The following BBS4 variants were observed in gnomAD, a reference collection of about 807,000 sequenced individuals.
The protein encoded by BBS4 is BBSome complex member BBS4.
BBS4 carries 58 observed loss-of-function variants against 71.4 expected under a neutral mutation model. The observed-to-expected ratio is 0.81, with a 90% CI of 0.66 to 1.01. BBS4 has a LOEUF of 1.01. BBS4 is among the 50% of genes least tolerant of loss of function. The probability of loss-of-function intolerance (pLI) is 0.00; values close to 1 mark genes in which losing one functional copy is unlikely to be tolerated. For missense variants in BBS4, 660 were observed against 607.9 expected (o/e 1.09, Z -0.90); for synonymous variants, 228 against 216.8 (o/e 1.05, Z -0.46).
At chr15:72,694,521 T>G (rs746924276) in intron 1 of BBS4, among the ~76,000 whole-genome samples, 3 of 152,238 alleles carry the variant, frequency 2.0e-5, no homozygotes, top group Non-Finnish European at 2.9e-5. Flanking sequence ...AAGAGCTGCT[T>G]CTTGTCTCTG....
At chr15:72,737,405 T>G in intron 15 of BBS4, 73 bp from the exon 16 acceptor site, 1 of 1,348,526 alleles carries the variant, frequency 7.4e-7, no homozygotes, top group Non-Finnish European at 1.0e-6. Context: ...CCTCTTGAAC[T>G]CTAACAGCAA....
At position 72,729,690 on chromosome 15, in the gene BBS4, ACAGGCT is replaced by A; in HGVS notation, c.711+7_711+12del. The A allele has an allele frequency of 1.2e-6, 2 of 1,613,606 alleles. No homozygotes were observed. The highest frequency in any genetic ancestry group is 1.7e-6 in the Non-Finnish European group (2 of 1,179,502). ...ATGACCCTACCAACTACAAGGTATTACAGGCTGTGAAGGCTCTGGCCTTCATATAGA... is the reference window on the plus strand; with the variant it reads ...ATGACCCTACCAACTACAAGGTATTAGTGAAGGCTCTGGCCTTCATATAGA... On this transcript the variant is annotated splice_region_variant and intron_variant, in intron 10 of 15. Coordinates refer to ENST00000268057, the MANE Select transcript of BBS4 (RefSeq NM_033028.5).
chr15:72,715,255 G>A (rs750575060), intron 4 of BBS4, 36 bp from the exon 5 acceptor site: 4 of 1,524,134 alleles, frequency 2.6e-6, no homozygotes, highest in Non-Finnish European at 3.6e-6. Context: ...CCAGAACATG[G>A]TTTTACTTTT....
rs747417984 is a variant in BBS4 at position 72,686,212 on chromosome 15, G to A, written c.-16G>A. On this transcript the variant is annotated 5_prime_UTR_variant, in exon 1 of 16. Transcript: ENST00000268057. ...AACCGCCGACTTCCGGCCGCGCAGC[G>A]GTGGGCTGAGCTAAAATGGCTGAGG... is the stretch of plus-strand genomic sequence containing the variant. 6 of 1,558,980 alleles carry A rather than the reference G, an allele frequency of 3.8e-6. No homozygotes were observed. Among genetic ancestry groups the A allele is most frequent in the Admixed American group, 3.8e-5 (2 of 52,396 alleles).
intron 15 of BBS4, 75 bp downstream of exon 15, chr15:72,737,038 T>G: frequency 6.6e-7 from 1 of 1,513,682 alleles, no homozygotes; most frequent in East Asian, 2.3e-5. Flanking sequence ...ATTATAGCTT[T>G]CAGTGAGGTT....
At position 72,712,465 on chromosome 15, in the gene BBS4, T is replaced by C. The variant is rs188208287; in HGVS notation, c.220+158T>C. On this transcript the variant is annotated intron_variant, in intron 4 of 15. Coordinates refer to ENST00000268057, the MANE Select transcript of BBS4 (RefSeq NM_033028.5). ...AATGTGTTGTTAGGCAATTTTGTCATTGTGTGAACATTACATGGAGTGTAC... is the reference window on the plus strand; with the variant it reads ...AATGTGTTGTTAGGCAATTTTGTCACTGTGTGAACATTACATGGAGTGTAC... 1.4e-4 allele frequency among the ~76,000 whole-genome samples: 22 copies of C among 152,364 alleles called. 1 individual carries two copies. Among genetic ancestry groups the C allele is most frequent in the Admixed American group, 1.4e-3 (22 of 15,300 alleles).
chr15:72,698,306 G>C (rs1039480736), intron 2 of BBS4, among the ~76,000 whole-genome samples: 5 of 152,186 alleles, frequency 3.3e-5, no homozygotes, highest in African/African-American at 1.2e-4. Flanking sequence ...TTACAAAGTT[G>C]TGCAGCCATC....
At chr15:72,720,368 A>G (rs922518238) in intron 6 of BBS4, among the ~76,000 whole-genome samples, 2 of 151,508 alleles carry the variant, frequency 1.3e-5, no homozygotes, top group African/African-American at 4.8e-5. Flanking sequence ...AGTCCTAGCT[A>G]TTCTAGAGGC....
At chr15:72,690,448 C>CT (rs1267691110) in intron 1 of BBS4, among the ~76,000 whole-genome samples, 1 of 152,130 alleles carries the variant, frequency 6.6e-6, no homozygotes, top group East Asian at 1.9e-4. Flanking sequence ...AATAATTCTG[C>CT]TTTGTGCAGA....
intron 10 of BBS4, among the ~76,000 whole-genome samples, chr15:72,730,924 G>C (rs1055957288): frequency 6.6e-6 from 1 of 152,098 alleles, no homozygotes; most frequent in African/African-American, 2.4e-5. Flanking sequence ...CAGGTATCTA[G>C]AACACTTGGT....
Position 72,738,096 on chromosome 15 carries a change from G to GA in BBS4, c.*517dup, listed in dbSNP as rs1368666508. On this transcript the variant is annotated 3_prime_UTR_variant, in exon 16 of 16. Coordinates refer to ENST00000268057, the MANE Select transcript of BBS4 (RefSeq NM_033028.5). Reference sequence around the variant, plus strand: ...CAACTTTAATAGTATACATTTAAAAGAAAAAAAACAAAAGCCCTGGAAGTT... The same window carrying GA: ...CAACTTTAATAGTATACATTTAAAAGAAAAAAAAACAAAAGCCCTGGAAGTT... 11 of 450,724 alleles carry GA rather than the reference G, an allele frequency of 2.4e-5. No homozygotes were observed. Among genetic ancestry groups the GA allele is most frequent in the Admixed American group, 1.2e-4 (5 of 41,692 alleles). The allele number at this position is 450,724 out of a possible 1,614,324, so 27.9% of individuals were successfully genotyped here.
rs140619029 is a variant in BBS4 at position 72,735,124 on chromosome 15, A to C, written c.1048A>C (p.Asn350His). 4.3e-6 allele frequency: 7 copies of C among 1,613,610 alleles called. No individual in the cohort carries two copies. In the African/African-American group the frequency reaches 9.3e-5, roughly 22 times the overall value. Residue 350 changes from asparagine to histidine, a missense_variant, in exon 13 of 16, where the codon AAT (asparagine) becomes CAT (histidine). Coordinates refer to ENST00000268057, the MANE Select transcript of BBS4 (RefSeq NM_033028.5). ...TTTCTTTGTTGCAGTGGCTCTGACC[A>C]ATCTGGAAGATATAGAAAATGCCAA... is the stretch of plus-strand genomic sequence containing the variant. ...LYMLLAVALT[N>H]LEDIENAKRA... is the part of the protein sequence containing the mutation.
chr15:72,732,564 T>G (rs1490474851), intron 12 of BBS4, among the ~76,000 whole-genome samples: 1 of 152,206 alleles, frequency 6.6e-6, no homozygotes, highest in African/African-American at 2.4e-5. Flanking sequence ...TGGGTTCTTA[T>G]TTAAAAGAGA....
intron 7 of BBS4, 48 bp downstream of exon 7, chr15:72,722,895 C>A: frequency 1.3e-6 from 2 of 1,534,418 alleles, no homozygotes; most frequent in Non-Finnish European, 1.8e-6. Context: ...GCACTTGTTG[C>A]AGAAGTTGTT....
intron 2 of BBS4, among the ~76,000 whole-genome samples, chr15:72,696,257 T>C (rs2065074486): frequency 6.6e-6 from 1 of 152,242 alleles, no homozygotes; most frequent in Admixed American, 6.5e-5. Flanking sequence ...TTTCTGATAA[T>C]ATTCCTTGTT....
intron 4 of BBS4, among the ~76,000 whole-genome samples, chr15:72,713,130 T>C (rs1436672886): frequency 6.6e-6 from 1 of 151,932 alleles, no homozygotes; most frequent in East Asian, 1.9e-4. Context: ...GCTGGGATTA[T>C]AGGCATGAGC....
At chr15:72,692,795 G>A (rs1488492263) in intron 1 of BBS4, among the ~76,000 whole-genome samples, 1 of 151,370 alleles carries the variant, frequency 6.6e-6, no homozygotes, top group East Asian at 1.9e-4. Context: ...GCAGAGTCTC[G>A]CTGTTTTGCC....
chr15:72,728,376 T>C (rs752031622), intron 9 of BBS4, among the ~76,000 whole-genome samples: 2 of 152,036 alleles, frequency 1.3e-5, no homozygotes, highest in Non-Finnish European at 2.9e-5. Context: ...CATGCTTCTG[T>C]AGTCCCAGCT....
intron 1 of BBS4, among the ~76,000 whole-genome samples, chr15:72,687,934 GAAA>G (rs778275825): frequency 1.7e-5 from 2 of 120,726 alleles, no homozygotes; most frequent in African/African-American, 3.0e-5. Flanking sequence ...CTCCGTCTCA[GAAA>G]AAAAAAAAAA....
Sources: gnomAD v4.1 joint callset for allele counts (sites outside exome capture counted in the v4.1 genomes callset) on GRCh38, gnomAD v4.1.1 for gene constraint, MANE v1.5 for transcripts, NCBI Gene and HGNC (gene_info 2026-07-23, HGNC 2026-07-21) for gene names.